Variants in TPD52L2 observed in about 807,000 individuals in gnomAD.
TPD52L2 encodes the protein tumor protein D54.
Under a neutral mutation model 24.7 loss-of-function variants are expected in TPD52L2, and 19 were observed. The ratio of observed to expected loss-of-function variants is 0.77; its 90% CI spans 0.54 to 1.13. The LOEUF is 1.13. TPD52L2 is among the 50% of genes most tolerant of loss of function. The probability of loss-of-function intolerance (pLI) is 0.00; values close to 1 mark genes in which losing one functional copy is unlikely to be tolerated. For missense variants in TPD52L2, 236 were observed against 250.4 expected, an observed-to-expected ratio of 0.94 and a Z score of 0.39; for synonymous variants, 104 against 100.2, an observed-to-expected ratio of 1.04 and a Z score of -0.23.
At chr20:63,875,942 G>C in intron 4 of TPD52L2, 67 bp downstream of exon 4, 4 of 1,515,514 alleles carry the variant, frequency 2.6e-6, no homozygotes, top group Non-Finnish European at 3.7e-6. Flanking sequence ...AGTCGGGGAA[G>C]GGGGCTGTGC....
intron 5 of TPD52L2, chr20:63,887,493 A>G: frequency 6.5e-7 from 1 of 1,542,628 alleles, no homozygotes; most frequent in Non-Finnish European, 9.0e-7. Context: ...ATCCCTGCCA[A>G]GTTGGGGTTG....
chr20:63,879,283 T>G (rs938849005), intron 4 of TPD52L2, among the ~76,000 whole-genome samples: 3 of 152,282 alleles, frequency 2.0e-5, no homozygotes, highest in Admixed American at 6.5e-5. Flanking sequence ...TGCTGAGGGC[T>G]GTGGGGCCCC....
intron 5 of TPD52L2, among the ~76,000 whole-genome samples, chr20:63,885,339 A>G (rs973342453): frequency 6.6e-6 from 1 of 152,194 alleles, no homozygotes; most frequent in African/African-American, 2.4e-5. Context: ...GTCTCAGATG[A>G]GGCATCGGCC....
chr20:63,867,064 C>G (rs2052276569), intron 1 of TPD52L2, among the ~76,000 whole-genome samples: 1 of 151,664 alleles, frequency 6.6e-6, no homozygotes, highest in African/African-American at 2.4e-5. Flanking sequence ...AGCGATTCTC[C>G]TGCCTCAGCC....
chr20:63,885,094 T>A (rs1237535760), intron 5 of TPD52L2, among the ~76,000 whole-genome samples: 1 of 152,260 alleles, frequency 6.6e-6, no homozygotes, highest in African/African-American at 2.4e-5. Flanking sequence ...GGGAGGTTTA[T>A]GTCATGAGTT....
Position 63,865,291 on chromosome 20 carries a change from C to CGCGGCGAGCTTCTCCCG in TPD52L2, c.-71_-55dup. ...AGGCAGTTCCGCTGGCTAGTGTGTA[C>CGCGGCGAGCTTCTCCCG]GCGGCGAGCTTCTCCCGGCGCCGCC... On this transcript the variant is annotated 5_prime_UTR_variant, in exon 1 of 7. Coordinates refer to ENST00000346249, the MANE Select transcript of TPD52L2 (RefSeq NM_003288.4). 6.8e-7 allele frequency: 1 copy of CGCGGCGAGCTTCTCCCG among 1,469,776 alleles called. No homozygotes were observed. Among genetic ancestry groups the CGCGGCGAGCTTCTCCCG allele is most frequent in the South Asian group, 1.3e-5 (1 of 75,952 alleles). The allele number at this position is 1,469,776 out of a possible 1,614,324, so 91.0% of individuals were successfully genotyped here.
chr20:63,887,674 C>T (rs1014924360), intron 5 of TPD52L2: 35 of 1,479,884 alleles, frequency 2.4e-5, no homozygotes, highest in South Asian at 4.6e-5. Context: ...CAGCTCCCGC[C>T]GGTTACACCT....
chr20:63,887,458 G>A (rs1164696825), intron 5 of TPD52L2: 2 of 1,224,300 alleles, frequency 1.6e-6, no homozygotes, highest in Non-Finnish European at 2.4e-6. Context: ...CAACTGCTGG[G>A]AGTGGGGGAA....
At chr20:63,886,515 C>A (rs1263748947) in intron 5 of TPD52L2, among the ~76,000 whole-genome samples, 2 of 152,134 alleles carry the variant, frequency 1.3e-5, no homozygotes, top group Non-Finnish European at 2.9e-5. Context: ...GCGCCCGCCG[C>A]CACGCCCGGC....
rs374997449 is a variant in TPD52L2, at chr20:63,885,922, CCTCCCCTGGGG to C, written c.476+3109_476+3119del. On this transcript the variant is annotated intron_variant, in intron 5 of 6. Transcript: ENST00000346249. ...GGCCTGACTGAGCACGAGCAGGGGG[CCTCCCCTGGGG>C]CTCCCCGAGGAGGGCTGTGAGTGGG... 443 of 1,364,652 alleles carry C rather than the reference CCTCCCCTGGGG, an allele frequency of 3.2e-4. 2 individuals carry two copies. The African/African-American group carries it at 5.4e-3, about 17-fold the overall frequency. 84.5% of individuals were successfully genotyped at this position (1,364,652 alleles called of 1,614,324 possible). A position where few individuals can be genotyped will look rare whatever the true frequency, so the allele number is the denominator to read the frequency against.
chr20:63,878,837 G>A (rs955917142), intron 4 of TPD52L2, among the ~76,000 whole-genome samples: 3 of 152,190 alleles, frequency 2.0e-5, no homozygotes, highest in East Asian at 1.9e-4. Context: ...TGCCCGGCCC[G>A]GTGCTCTCAA....
At chr20:63,871,193 C>T (rs188368958) in intron 2 of TPD52L2, among the ~76,000 whole-genome samples, 104 of 149,930 alleles carry the variant, frequency 6.9e-4, no homozygotes, top group African/African-American at 2.2e-3. Context: ...CAGACGCCTG[C>T]CACCACACCT....
rs565813974 is a variant in TPD52L2 at position 63,875,152 on chromosome 20, AAT to A, written c.315-647_315-646del. Among the ~76,000 whole-genome samples, 1,216 of 141,720 alleles carry A rather than the reference AAT, an allele frequency of 8.6e-3. 20 individuals carry two copies. The highest frequency in any genetic ancestry group is 0.03 in the African/African-American group (1,125 of 37,890). 93.0% of individuals were successfully genotyped at this position (141,720 alleles called of 152,430 possible). A position where few individuals can be genotyped will look rare whatever the true frequency, so the allele number is the denominator to read the frequency against. On this transcript the variant is annotated intron_variant, in intron 3 of 6. Transcript: ENST00000346249. Reference sequence around the variant, plus strand: ...GCAAGACTCTGTCTCAAAAAAAAAAAATATATATATATATATATTTATATATA... The same window carrying A: ...GCAAGACTCTGTCTCAAAAAAAAAAAATATATATATATATATTTATATATA...
rs985138189 is a variant in TPD52L2 at position 63,874,748 on chromosome 20, G to A, written c.314+932G>A. Among the ~76,000 whole-genome samples, 12 of 152,140 alleles carry A rather than the reference G, an allele frequency of 7.9e-5. 1 individual carries two copies. Among genetic ancestry groups the A allele is most frequent in the African/African-American group, 9.6e-5 (4 of 41,498 alleles). ...GAAAATGATAGGAAGACTGTTTCAG[G>A]GTCCAGACTTGAGAGAGCACTGATC... is the stretch of plus-strand genomic sequence containing the variant. On this transcript the variant is annotated intron_variant, in intron 3 of 6. Coordinates refer to ENST00000346249, the MANE Select transcript of TPD52L2 (RefSeq NM_003288.4).
At chr20:63,887,340 C>A in intron 5 of TPD52L2, 1 of 661,748 alleles carries the variant, frequency 1.5e-6, no homozygotes, top group Admixed American at 2.3e-5. Flanking sequence ...CTCCCCCCTC[C>A]CAGTGCTATG....
chr20:63,882,354 T>C (rs976513091), intron 4 of TPD52L2, among the ~76,000 whole-genome samples: 5 of 152,238 alleles, frequency 3.3e-5, no homozygotes, highest in Non-Finnish European at 5.9e-5. Flanking sequence ...TGGGGCGTGT[T>C]CTCTGTAGTC....
chr20:63,886,185 G>A lies in TPD52L2; in HGVS notation c.477-3005G>A, dbSNP rs182356561. 3.2e-4 allele frequency: 266 copies of A among 822,492 alleles called. 1 individual carries two copies. Among genetic ancestry groups the A allele is most frequent in the Non-Finnish European group, 4.9e-4 (238 of 484,848 alleles). 50.9% of individuals were successfully genotyped at this position (822,492 alleles called of 1,614,324 possible). The stretch of plus-strand genomic sequence containing the variant: ...CTTCCAGGACAGCAGTGCCAGCCAG[G>A]TGGTTGCTGCATCTCAGGGAACAAA... On this transcript the variant is annotated intron_variant, in intron 5 of 6. Transcript: ENST00000346249.
chr20:63,883,934 C>T (rs555403383), intron 5 of TPD52L2, among the ~76,000 whole-genome samples: 12 of 152,244 alleles, frequency 7.9e-5, no homozygotes, highest in African/African-American at 2.4e-4. Context: ...TTTCCCCTGA[C>T]CACTAAGCCA....
intron 3 of TPD52L2, 91 bp from the exon 4 acceptor site, chr20:63,875,725 C>T (rs2052647525): frequency 7.4e-7 from 1 of 1,354,896 alleles, no homozygotes. Context: ...CAGCTGGTCC[C>T]TCTCTGTCTT....
Sources: gnomAD v4.1 joint callset for allele counts (sites outside exome capture counted in the v4.1 genomes callset) on GRCh38, gnomAD v4.1.1 for gene constraint, MANE v1.5 for transcripts, NCBI Gene and HGNC (gene_info 2026-07-23, HGNC 2026-07-21) for gene names.